Variants in PPP2R5E observed in about 807,000 individuals in gnomAD.
The protein encoded by PPP2R5E is protein phosphatase 2 regulatory subunit B'epsilon.
In PPP2R5E, 4 loss-of-function variants were observed where a neutral mutation model predicts 65.3. The ratio of observed to expected loss-of-function variants is 0.06; its 90% confidence interval spans 0.03 to 0.14. PPP2R5E has a LOEUF of 0.14. Ranked by LOEUF, PPP2R5E falls within the 10% of genes least tolerant of loss-of-function variation. PPP2R5E has a pLI of 1.00. For synonymous variants in PPP2R5E, 183 were observed against 187.4 expected (o/e 0.98, Z 0.19); for missense variants, 274 against 556.1 (o/e 0.49, Z 5.10).
At chr14:63,501,340 G>A (rs138590682) in intron 2 of PPP2R5E, among the ~76,000 whole-genome samples, 3,668 of 151,280 alleles carry the variant, frequency 0.024, 155 homozygotes, top group African/African-American at 0.085. Flanking sequence ...GGGAGGCGGA[G>A]CTTGCAGTGA....
rs930559979 is a variant in PPP2R5E at position 63,427,403 on chromosome 14, T to TA, written c.355-5310dup. On this transcript the variant is annotated intron_variant, in intron 3 of 13. Coordinates refer to ENST00000337537, the MANE Select transcript of PPP2R5E (RefSeq NM_006246.5). ...AAACTACACTGGTGTCAGTGCAAAG[T>TA]AAAAAAAAAAAGTTTAAGAAATAAA... 4.0e-4 allele frequency among the ~76,000 whole-genome samples: 58 copies of TA among 146,278 alleles called. No individual in the cohort carries two copies. In the South Asian group the frequency reaches 4.1e-3, roughly 10 times the overall value.
chr14:63,431,402 T>G (rs982782677), intron 3 of PPP2R5E, among the ~76,000 whole-genome samples: 6 of 152,244 alleles, frequency 3.9e-5, no homozygotes, highest in Admixed American at 6.5e-5. Flanking sequence ...AATATTTAAC[T>G]GTATTTGCTA....
chr14:63,464,821 A>G (rs10140718), intron 2 of PPP2R5E, among the ~76,000 whole-genome samples: 45,579 of 152,044 alleles, frequency 0.3, 8,521 homozygotes, highest in African/African-American at 0.53. Context: ...TCAGGAGTTC[A>G]AAACCAGCCT....
intron 5 of PPP2R5E, among the ~76,000 whole-genome samples, chr14:63,411,825 G>A (rs1049960025): frequency 2.0e-5 from 3 of 151,976 alleles, no homozygotes; most frequent in Non-Finnish European, 4.4e-5. Context: ...TGTACAGTCC[G>A]AAGAACAATG....
chr14:63,407,783 G>T (rs576872310), intron 5 of PPP2R5E, among the ~76,000 whole-genome samples: 1 of 152,288 alleles, frequency 6.6e-6, no homozygotes, highest in East Asian at 1.9e-4. Context: ...TAAGGGCTCT[G>T]CCCTCATAAA....
chr14:63,487,127 CAAG>C (rs918928793), intron 2 of PPP2R5E, among the ~76,000 whole-genome samples: 7 of 152,192 alleles, frequency 4.6e-5, no homozygotes, highest in Admixed American at 3.3e-4. Context: ...GGCCCTCTAA[CAAG>C]AATATTTCCT....
intron 2 of PPP2R5E, among the ~76,000 whole-genome samples, chr14:63,469,939 AAAG>A: frequency 6.6e-6 from 1 of 152,226 alleles, no homozygotes; most frequent in East Asian, 1.9e-4. Context: ...ACTTCACTAC[AAAG>A]AACCAGAAGG....
chr14:63,474,253 A>G (rs1890282280), intron 2 of PPP2R5E, among the ~76,000 whole-genome samples: 1 of 152,160 alleles, frequency 6.6e-6, no homozygotes, highest in South Asian at 2.1e-4. Context: ...AAAAGTGACT[A>G]ACAGACAGAG....
chr14:63,461,566 T>C (rs1005057895), intron 2 of PPP2R5E, among the ~76,000 whole-genome samples: 1 of 149,930 alleles, frequency 6.7e-6, no homozygotes, highest in Non-Finnish European at 1.5e-5. Flanking sequence ...GAGGCCAAGG[T>C]GGGAGGATCG....
intron 2 of PPP2R5E, among the ~76,000 whole-genome samples, chr14:63,513,095 C>T (rs1415184462): frequency 6.6e-6 from 1 of 151,726 alleles, no homozygotes; most frequent in East Asian, 1.9e-4. Flanking sequence ...GAAATAGAAA[C>T]TGTTTGGATG....
chr14:63,417,840 G>A (rs565008638), intron 4 of PPP2R5E, among the ~76,000 whole-genome samples: 2 of 152,182 alleles, frequency 1.3e-5, no homozygotes, highest in African/African-American at 2.4e-5. Flanking sequence ...TAGTACAAAC[G>A]TCAACACAGT....
intron 2 of PPP2R5E, among the ~76,000 whole-genome samples, chr14:63,506,952 G>T (rs940564503): frequency 2.6e-5 from 4 of 152,216 alleles, no homozygotes; most frequent in African/African-American, 9.6e-5. Context: ...ATATTATTCA[G>T]CCACAAAAAG....
At chr14:63,467,222 C>CAAAAAAAAAAAAAAAAAAAAAAAAA (rs767892639) in intron 2 of PPP2R5E, among the ~76,000 whole-genome samples, 1 of 114,382 alleles carries the variant, frequency 8.7e-6, no homozygotes, top group Non-Finnish European at 1.7e-5. Flanking sequence ...GACTCCGTCT[C>CAAAAAAAAAAAAAAAAAAAAAAAAA]AAAAAAAACA....
intron 5 of PPP2R5E, among the ~76,000 whole-genome samples, chr14:63,407,524 T>C (rs1369794083): frequency 6.6e-6 from 1 of 150,968 alleles, no homozygotes; most frequent in Admixed American, 6.6e-5. Context: ...AATTTTTTAT[T>C]CTTATTGATT....
chr14:63,540,694 C>T (rs1893862931), intron 1 of PPP2R5E, among the ~76,000 whole-genome samples: 1 of 150,718 alleles, frequency 6.6e-6, no homozygotes, highest in Non-Finnish European at 1.5e-5. Context: ...TGCACTCCAG[C>T]CTGGGCAGCA....
intron 2 of PPP2R5E, among the ~76,000 whole-genome samples, chr14:63,463,097 C>A (rs1385324500): frequency 8.5e-6 from 1 of 117,214 alleles, no homozygotes; most frequent in African/African-American, 4.4e-5. Context: ...AGCAAAACTC[C>A]ATCTCAAAAA....
At chr14:63,445,091 T>G (rs1425608733) in intron 3 of PPP2R5E, among the ~76,000 whole-genome samples, 1 of 152,202 alleles carries the variant, frequency 6.6e-6, no homozygotes, top group East Asian at 1.9e-4. Flanking sequence ...AACTGAGGCT[T>G]AGAGAGAAAA....
intron 2 of PPP2R5E, among the ~76,000 whole-genome samples, chr14:63,486,994 T>C (rs575360531): frequency 1.3e-5 from 2 of 152,206 alleles, no homozygotes; most frequent in African/African-American, 4.8e-5. Context: ...TATATTTGCA[T>C]CCCTGTAGTC....
chr14:63,388,673 T>C (rs1207797714), intron 11 of PPP2R5E, among the ~76,000 whole-genome samples: 1 of 152,216 alleles, frequency 6.6e-6, no homozygotes, highest in Non-Finnish European at 1.5e-5. Flanking sequence ...TGCCATAAAG[T>C]CACTGCTTTA....
Sources: allele counts gnomAD v4.1 joint callset (sites outside exome capture counted in the v4.1 genomes callset), GRCh38; gene constraint gnomAD v4.1.1; transcripts MANE v1.5; gene names NCBI Gene and HGNC (gene_info 2026-07-23, HGNC 2026-07-21).